Variants in MCU observed in about 807,000 individuals in gnomAD.
MCU encodes mitochondrial calcium uniporter, also known as calcium uniporter protein, mitochondrial.
A neutral mutation model predicts 45.2 loss-of-function variants in MCU; 12 were observed. The observed-to-expected ratio is 0.27, with a 90% confidence interval of 0.17 to 0.43. The LOEUF is 0.43. MCU is among the 20% of genes least tolerant of loss of function. The pLI is 1.00. For synonymous variants in MCU, 160 were observed against 165.1 expected (o/e 0.97, Z 0.24); for missense variants, 324 against 436.7 (o/e 0.74, Z 2.30).
chr10:72,726,483 C>G (rs1216137058), intron 1 of MCU, among the ~76,000 whole-genome samples: 1 of 151,958 alleles, frequency 6.6e-6, no homozygotes, highest in African/African-American at 2.4e-5. Flanking sequence ...TGATATTTTA[C>G]TGGTGGACAT....
intron 1 of MCU, among the ~76,000 whole-genome samples, chr10:72,816,992 T>G (rs1258905222): frequency 6.6e-6 from 1 of 152,224 alleles, no homozygotes; most frequent in Non-Finnish European, 1.5e-5. Context: ...GATTTATAAT[T>G]ATGTATTGGG....
intron 1 of MCU, among the ~76,000 whole-genome samples, chr10:72,739,333 C>T (rs188282165): frequency 6.6e-6 from 1 of 152,096 alleles, no homozygotes; most frequent in African/African-American, 2.4e-5. Flanking sequence ...TTATTTTTAG[C>T]ACAACTGGAA....
At chr10:72,884,235 G>T in intron 6 of MCU, 31 bp from the exon 7 acceptor site, 1 of 1,276,040 alleles carries the variant, frequency 7.8e-7, no homozygotes, top group South Asian at 1.2e-5. Context: ...GTATGCTAAG[G>T]ACTGATAATT....
intron 1 of MCU, among the ~76,000 whole-genome samples, chr10:72,738,064 C>T (rs1843275743): frequency 1.3e-5 from 2 of 151,998 alleles, no homozygotes; most frequent in African/African-American, 4.8e-5. Flanking sequence ...ATATTTTAAA[C>T]GAATGAGAAA....
At chr10:72,739,423 T>C (rs949089037) in intron 1 of MCU, among the ~76,000 whole-genome samples, 3 of 152,220 alleles carry the variant, frequency 2.0e-5, no homozygotes, top group African/African-American at 7.2e-5. Flanking sequence ...AGTCAGACTA[T>C]ATATGTGCTT....
intron 4 of MCU, among the ~76,000 whole-genome samples, chr10:72,862,401 A>T (rs1036936835): frequency 6.6e-6 from 1 of 151,944 alleles, no homozygotes; most frequent in African/African-American, 2.4e-5. Flanking sequence ...GCAGTTCCCA[A>T]CCTTTTTGGC....
At chr10:72,776,329 A>G (rs1356225408) in intron 1 of MCU, among the ~76,000 whole-genome samples, 1 of 152,240 alleles carries the variant, frequency 6.6e-6, no homozygotes, top group Non-Finnish European at 1.5e-5. Context: ...ACAAAATACC[A>G]GGAAACCAAA....
intron 2 of MCU, among the ~76,000 whole-genome samples, chr10:72,837,360 C>T (rs1483401011): frequency 6.6e-6 from 1 of 152,098 alleles, no homozygotes; most frequent in Non-Finnish European, 1.5e-5. Flanking sequence ...ATACTCACAC[C>T]CATGTTTGCT....
At chr10:72,845,984 A>G (rs1845116229) in intron 2 of MCU, among the ~76,000 whole-genome samples, 1 of 152,136 alleles carries the variant, frequency 6.6e-6, no homozygotes, top group Non-Finnish European at 1.5e-5. Flanking sequence ...TTCACTTTCC[A>G]TAGTTTCAGT....
At chr10:72,816,605 T>C (rs890207208) in intron 1 of MCU, among the ~76,000 whole-genome samples, 1 of 152,222 alleles carries the variant, frequency 6.6e-6, no homozygotes, top group Non-Finnish European at 1.5e-5. Context: ...TAGCAATACT[T>C]AATTTCTATT....
chr10:72,869,740 G>T (rs948360157), intron 5 of MCU, among the ~76,000 whole-genome samples: 1 of 152,056 alleles, frequency 6.6e-6, no homozygotes, highest in African/African-American at 2.4e-5. Context: ...ATATGCATAG[G>T]TTATATGCAG....
intron 1 of MCU, among the ~76,000 whole-genome samples, chr10:72,783,216 A>G (rs1364589513): frequency 1.3e-5 from 2 of 152,258 alleles, no homozygotes; most frequent in African/African-American, 4.8e-5. Flanking sequence ...CATCTGGCAT[A>G]GGCATACCAC....
Position 72,770,588 on chromosome 10 carries a change from A to G in MCU, c.151-63771A>G, listed in dbSNP as rs116516887. 5.9e-3 allele frequency among the ~76,000 whole-genome samples: 905 copies of G among 152,204 alleles called. 12 individuals are homozygous for G. The highest frequency in any genetic ancestry group is 0.021 in the African/African-American group (853 of 41,550). On this transcript the variant is annotated intron_variant, in intron 1 of 7. Transcript: ENST00000373053. ...AATTTTACACCTTTTAAAGACACCA[A>G]GAGAAATATGGAGAGCAAGGATTTT... is the stretch of plus-strand genomic sequence containing the variant.
At chr10:72,835,599 C>T (rs776012156) in intron 2 of MCU, among the ~76,000 whole-genome samples, 6 of 152,122 alleles carry the variant, frequency 3.9e-5, no homozygotes, top group Middle Eastern at 3.4e-3. Flanking sequence ...AAAGCTGTTA[C>T]GTGAATTTAT....
intron 2 of MCU, among the ~76,000 whole-genome samples, chr10:72,838,833 C>T (rs564517425): frequency 3.3e-5 from 5 of 152,126 alleles, no homozygotes; most frequent in South Asian, 4.1e-4. Context: ...TATATAAATT[C>T]GAAACCTAAG....
At chr10:72,826,890 G>A (rs565105774) in intron 1 of MCU, among the ~76,000 whole-genome samples, 69 of 152,138 alleles carry the variant, frequency 4.5e-4, no homozygotes, top group South Asian at 1.7e-3. Context: ...ATCATCCCAC[G>A]TACAGTACAA....
intron 1 of MCU, among the ~76,000 whole-genome samples, chr10:72,829,718 T>C (rs1844852407): frequency 6.6e-6 from 1 of 152,100 alleles, no homozygotes; most frequent in African/African-American, 2.4e-5. Context: ...ATATTTTCAA[T>C]TTAGGGGAAT....
intron 1 of MCU, among the ~76,000 whole-genome samples, chr10:72,742,714 A>G (rs956734331): frequency 3.3e-5 from 5 of 152,288 alleles, no homozygotes; most frequent in African/African-American, 1.2e-4. Context: ...TTTTAAGAGT[A>G]TGTGGCCCAT....
chr10:72,692,374 C>T, intron 1 of MCU, 73 bp downstream of exon 1: 1 of 1,112,588 alleles, frequency 9.0e-7, no homozygotes, highest in Admixed American at 4.8e-5. Context: ...GGCGGGCAGG[C>T]CGCCGGGGCA....
Sources: allele counts gnomAD v4.1 joint callset (sites outside exome capture counted in the v4.1 genomes callset), GRCh38; gene constraint gnomAD v4.1.1; transcripts MANE v1.5; gene names NCBI Gene and HGNC (gene_info 2026-07-23, HGNC 2026-07-21).